The following DDAH1 variants were observed in gnomAD, a reference collection of about 807,000 sequenced individuals.
The protein encoded by DDAH1 is N(G),N(G)-dimethylarginine dimethylaminohydrolase 1.
In DDAH1, 19 loss-of-function variants were observed where a neutral mutation model predicts 28.8. The observed-to-expected ratio is 0.66, with a 90% confidence interval of 0.46 to 0.97. The LOEUF (loss-of-function observed/expected upper bound fraction) is 0.97. Among genes scored for constraint, DDAH1 ranks in the 50% least tolerant of loss-of-function variants. The pLI is 0.00. For missense variants in DDAH1, 326 were observed against 375.9 expected (o/e 0.87, Z 1.10); for synonymous variants, 153 against 154.4 (o/e 0.99, Z 0.07).
chr1:85,337,513 G>C (rs567962854), intron 4 of DDAH1, among the ~76,000 whole-genome samples: 1 of 151,670 alleles, frequency 6.6e-6, no homozygotes, highest in Admixed American at 6.6e-5. Flanking sequence ...GAGTGCAGTG[G>C]CACTATCTTG....
intron 1 of DDAH1, among the ~76,000 whole-genome samples, chr1:85,522,619 G>C (rs1449886091): frequency 6.6e-6 from 1 of 151,950 alleles, no homozygotes; most frequent in Non-Finnish European, 1.5e-5. Context: ...AATGCTGTTT[G>C]CAACATTTTT....
chr1:85,392,525 T>G (rs942839874), intron 1 of DDAH1, among the ~76,000 whole-genome samples: 3 of 152,130 alleles, frequency 2.0e-5, no homozygotes, highest in African/African-American at 7.2e-5. Context: ...CTGGGTGTGA[T>G]GGCTCACACC....
At chr1:85,328,182 C>G (rs2100795040) in intron 4 of DDAH1, among the ~76,000 whole-genome samples, 1 of 152,326 alleles carries the variant, frequency 6.6e-6, no homozygotes, top group Non-Finnish European at 1.5e-5. Context: ...GGTCCTAACT[C>G]AAATGACTCT....
chr1:85,361,635 T>C (rs1353234641), intron 1 of DDAH1, among the ~76,000 whole-genome samples: 1 of 152,204 alleles, frequency 6.6e-6, no homozygotes, highest in Non-Finnish European at 1.5e-5. Context: ...TTACAAGACC[T>C]TTCTTCCCTC....
intron 1 of DDAH1, among the ~76,000 whole-genome samples, chr1:85,418,619 T>C (rs1347466983): frequency 6.6e-6 from 1 of 152,230 alleles, no homozygotes; most frequent in Non-Finnish European, 1.5e-5. Flanking sequence ...GCAGAGGAAG[T>C]CAACAAAAGT....
intron 1 of DDAH1, among the ~76,000 whole-genome samples, chr1:85,386,981 T>TG (rs1557562330): frequency 6.6e-6 from 1 of 152,156 alleles, no homozygotes; most frequent in African/African-American, 2.4e-5. Context: ...CAGCAGGGAC[T>TG]GGGGGGTAGT....
chr1:85,375,132 A>G (rs962226495), intron 1 of DDAH1, among the ~76,000 whole-genome samples: 4 of 152,200 alleles, frequency 2.6e-5, no homozygotes, highest in African/African-American at 9.6e-5. Context: ...AGAACAAAAT[A>G]AAAATATTTA....
At chr1:85,458,749 G>A (rs1323130208) in intron 1 of DDAH1, among the ~76,000 whole-genome samples, 1 of 152,084 alleles carries the variant, frequency 6.6e-6, no homozygotes, top group Non-Finnish European at 1.5e-5. Flanking sequence ...ATATTTTGAT[G>A]GAAGTTCAGA....
intron 1 of DDAH1, among the ~76,000 whole-genome samples, chr1:85,383,220 T>A (rs1651086850): frequency 6.6e-6 from 1 of 152,196 alleles, no homozygotes; most frequent in Non-Finnish European, 1.5e-5. Flanking sequence ...TTGTGATTCA[T>A]GGGAGGAGGT....
At position 85,464,673 on chromosome 1, in the gene DDAH1, C is replaced by A. The variant is rs1053593490; in HGVS notation, c.303+70G>T. The stretch of plus-strand genomic sequence containing the variant: ...AGGGCCAATGGCGCGACTCCCCAGG[C>A]AACACGGCGGCCGGCGGCGGGGGAG... On this transcript the variant is annotated intron_variant, in intron 1 of 5. Coordinates refer to ENST00000284031, the MANE Select transcript of DDAH1 (RefSeq NM_012137.4). This position sits in a 1 kb window ranked among gnomAD's most constrained non-coding sequence, Gnocchi z 4.4. 5.7e-5 allele frequency: 82 copies of A among 1,434,348 alleles called. 2 individuals carry two copies. The South Asian group carries it at 1.1e-3, about 20-fold the overall frequency. The allele number at this position is 1,434,348 out of a possible 1,614,324, so 88.9% of individuals were successfully genotyped here. A position where few individuals can be genotyped will look rare whatever the true frequency, so the allele number is the denominator to read the frequency against.
chr1:85,377,007 A>G (rs552618631), intron 1 of DDAH1, among the ~76,000 whole-genome samples: 1 of 152,302 alleles, frequency 6.6e-6, no homozygotes, highest in African/African-American at 2.4e-5. Context: ...ATGCAGATAT[A>G]TGTGTGGTAA....
At chr1:85,484,894 T>A (rs1656149122) in intron 2 of DDAH1, among the ~76,000 whole-genome samples, 1 of 152,146 alleles carries the variant, frequency 6.6e-6, no homozygotes, top group Non-Finnish European at 1.5e-5. Context: ...AGGTGAGCAA[T>A]TTAAGGGACA....
intron 4 of DDAH1, among the ~76,000 whole-genome samples, chr1:85,343,132 G>A (rs1648611529): frequency 6.6e-6 from 1 of 152,124 alleles, no homozygotes; most frequent in Non-Finnish European, 1.5e-5. Context: ...TGGACAGGAT[G>A]AACAGCACTT....
intron 1 of DDAH1, among the ~76,000 whole-genome samples, chr1:85,556,294 CT>C (rs1202001673): frequency 6.6e-6 from 1 of 152,216 alleles, no homozygotes; most frequent in African/African-American, 2.4e-5. Flanking sequence ...TCATGACATG[CT>C]TCTCTTCTCC....
At position 85,447,740 on chromosome 1, in the gene DDAH1, GCA is replaced by G. The variant is rs1261662992; in HGVS notation, c.303+17001_303+17002del. 6 of 152,332 alleles carry G rather than the reference GCA, an allele frequency of 3.9e-5. No individual in the cohort carries two copies. The East Asian group carries it at 5.8e-4, about 15-fold the overall frequency. The allele number at this position is 152,332 out of a possible 1,614,324, so 9.4% of individuals were successfully genotyped here. A position where few individuals can be genotyped will look rare whatever the true frequency, so the allele number is the denominator to read the frequency against. The stretch of plus-strand genomic sequence containing the variant: ...TGTAAGTTTAGTCAGTCTGAATTAT[GCA>G]AAATGTTAACCAAAAGCTACACTGA... On this transcript the variant is annotated intron_variant, in intron 1 of 5. Transcript: ENST00000284031.
rs1205480171 is a variant in DDAH1, at chr1:85,319,310, A to T, written c.*2142T>A. The T allele has an allele frequency of 6.6e-6, 1 of 152,250 alleles. No homozygotes were observed. The highest frequency in any genetic ancestry group is 1.5e-5 in the Non-Finnish European group (1 of 68,042). 9.4% of individuals were successfully genotyped at this position (152,250 alleles called of 1,614,324 possible). A position where few individuals can be genotyped will look rare whatever the true frequency, so the allele number is the denominator to read the frequency against. On this transcript the variant is annotated 3_prime_UTR_variant, in exon 6 of 6. Transcript: ENST00000284031. ...AAGAGAAGGAAAGACAGAAAGAAGCAAAAGAAAGGAAAAGTGAAAAACAGC... is the reference window on the plus strand; with the variant it reads ...AAGAGAAGGAAAGACAGAAAGAAGCTAAAGAAAGGAAAAGTGAAAAACAGC...
chr1:85,489,064 T>A (rs565571869), intron 2 of DDAH1, among the ~76,000 whole-genome samples: 1 of 152,324 alleles, frequency 6.6e-6, no homozygotes, highest in Non-Finnish European at 1.5e-5. Context: ...ACCAGGCATG[T>A]TATACAGGCC....
intron 1 of DDAH1, among the ~76,000 whole-genome samples, chr1:85,438,548 T>G (rs1182146727): frequency 6.6e-6 from 1 of 152,200 alleles, no homozygotes; most frequent in Non-Finnish European, 1.5e-5. Context: ...GTTGATGCAC[T>G]GACCCCTGTG....
At chr1:85,554,674 A>G (rs1010125270) in intron 1 of DDAH1, among the ~76,000 whole-genome samples, 1 of 152,240 alleles carries the variant, frequency 6.6e-6, no homozygotes, top group Non-Finnish European at 1.5e-5. Context: ...GCCTCAAATC[A>G]AAACAAATGG....
Sources: allele counts gnomAD v4.1 joint callset (sites outside exome capture counted in the v4.1 genomes callset), GRCh38; gene constraint gnomAD v4.1.1; non-coding constraint Gnocchi (gnomAD v3.1); transcripts MANE v1.5; gene names NCBI Gene and HGNC (gene_info 2026-07-23, HGNC 2026-07-21).